The following COL22A1 variants were observed in gnomAD, a reference collection of about 807,000 sequenced individuals.
The protein encoded by COL22A1 is collagen type XXII alpha 1 chain.
A neutral mutation model predicts 248.9 loss-of-function variants in COL22A1; 221 were observed. The observed-to-expected ratio is 0.89, with a 90% confidence interval of 0.80 to 0.99. The LOEUF is 0.99. COL22A1 is among the 50% of genes least tolerant of loss of function. The pLI, the probability that COL22A1 is intolerant of heterozygous loss-of-function variation, is 0.00. For missense variants in COL22A1, 2,240 were observed against 2,179.0 expected (o/e 1.03, Z -0.56); for synonymous variants, 891 against 793.4 (o/e 1.12, Z -2.07).
intron 30 of COL22A1, among the ~76,000 whole-genome samples, chr8:138,714,679 T>C (rs746158177): frequency 8.5e-5 from 13 of 152,228 alleles, no homozygotes; most frequent in Non-Finnish European, 1.8e-4. Flanking sequence ...TCCATTTTGA[T>C]TGTGCTGCTC....
intron 7 of COL22A1, among the ~76,000 whole-genome samples, chr8:138,815,860 C>G (rs1818641688): frequency 6.6e-6 from 1 of 152,128 alleles, no homozygotes; most frequent in South Asian, 2.1e-4. Context: ...GCAAAGTGCC[C>G]TGGACTGACC....
chr8:138,750,420 G>A (rs902217038), intron 22 of COL22A1, among the ~76,000 whole-genome samples: 1 of 152,222 alleles, frequency 6.6e-6, no homozygotes, highest in East Asian at 1.9e-4. Context: ...ACAGGTCAGA[G>A]TCGGCGCTGA....
At chr8:138,640,811 C>A (rs1821616407) in intron 47 of COL22A1, among the ~76,000 whole-genome samples, 1 of 152,098 alleles carries the variant, frequency 6.6e-6, no homozygotes, top group Non-Finnish European at 1.5e-5. Context: ...ATGAGGGACC[C>A]AAGGTACCAA....
chr8:138,821,200 T>G lies in COL22A1; in HGVS notation c.1181A>C (p.Glu394Ala). The part of the protein sequence containing the change: ...LVQTLPIEER[E>A]NIDIQGKTVI... The stretch of plus-strand genomic sequence containing the variant: ...AGTCTTGCCCTGGATGTCAATGTTC[T>G]CCCGTTCCTCGATGGGTAGTGTCTG... The change falls in exon 7 of 65, where the codon GAG becomes GCG. Residue 394 changes from glutamate (E) to alanine (A), a missense_variant. Glu to Ala is a moderately radical substitution (Grantham distance 107). Coordinates refer to ENST00000303045, the MANE Select transcript of COL22A1 (RefSeq NM_152888.3). The G allele has an allele frequency of 7.4e-6, 12 of 1,614,170 alleles. No individual in the cohort carries two copies. The highest frequency in any genetic ancestry group is 9.3e-6 in the Non-Finnish European group (11 of 1,180,028).
At chr8:138,656,753 T>A (rs768894719) in intron 44 of COL22A1, among the ~76,000 whole-genome samples, 1 of 152,170 alleles carries the variant, frequency 6.6e-6, no homozygotes, top group Admixed American at 6.5e-5. Context: ...TTCTAAATTT[T>A]GCAAAGAAAA....
At chr8:138,814,496 G>A (rs1334315759) in intron 7 of COL22A1, among the ~76,000 whole-genome samples, 1 of 152,158 alleles carries the variant, frequency 6.6e-6, no homozygotes, top group Non-Finnish European at 1.5e-5. Flanking sequence ...GTAGCATGTT[G>A]TCAGCTACTC....
At chr8:138,789,693 G>A (rs1455596236) in intron 12 of COL22A1, among the ~76,000 whole-genome samples, 1 of 152,178 alleles carries the variant, frequency 6.6e-6, no homozygotes, top group Admixed American at 6.5e-5. Flanking sequence ...GACCAATGCC[G>A]TGGTGAAAAA....
chr8:138,747,422 C>T (rs1832210357), intron 22 of COL22A1, among the ~76,000 whole-genome samples: 1 of 152,126 alleles, frequency 6.6e-6, no homozygotes, highest in Non-Finnish European at 1.5e-5. Flanking sequence ...AGCCAAAGTC[C>T]TTATAATGAC....
At chr8:138,606,764 G>A (rs1818457633) in intron 57 of COL22A1, among the ~76,000 whole-genome samples, 1 of 152,280 alleles carries the variant, frequency 6.6e-6, no homozygotes, top group East Asian at 1.9e-4. Flanking sequence ...TCCAAGGAGT[G>A]CTCTAGTGAG....
intron 50 of COL22A1, among the ~76,000 whole-genome samples, chr8:138,630,315 C>T (rs1303259296): frequency 6.6e-6 from 1 of 152,182 alleles, no homozygotes; most frequent in African/African-American, 2.4e-5. Context: ...TCCCCTGGTG[C>T]ACACCATAGT....
chr8:138,769,942 T>C (rs1257208878), intron 16 of COL22A1, among the ~76,000 whole-genome samples: 3 of 152,168 alleles, frequency 2.0e-5, no homozygotes, highest in Admixed American at 6.5e-5. Context: ...AGGGACCTTC[T>C]ACCAGGTGCC....
At chr8:138,877,063 T>G (rs1823770957) in intron 3 of COL22A1, among the ~76,000 whole-genome samples, 1 of 151,854 alleles carries the variant, frequency 6.6e-6, no homozygotes, top group African/African-American at 2.4e-5. Context: ...ATCCTGGAGG[T>G]CAGGCTTCCA....
chr8:138,708,646 T>C (rs966275768), intron 30 of COL22A1, among the ~76,000 whole-genome samples: 3 of 152,144 alleles, frequency 2.0e-5, no homozygotes, highest in Admixed American at 6.5e-5. Context: ...TCAAGATGGG[T>C]TAAAGACTTA....
At chr8:138,722,151 A>C in intron 25 of COL22A1, 62 bp from the exon 26 acceptor site, 1 of 1,419,012 alleles carries the variant, frequency 7.0e-7, no homozygotes, top group Non-Finnish European at 9.6e-7. Flanking sequence ...GGCTTACATT[A>C]AGTTGTTTCA....
At chr8:138,866,455 G>T (rs1276907058) in intron 3 of COL22A1, among the ~76,000 whole-genome samples, 1 of 152,178 alleles carries the variant, frequency 6.6e-6, no homozygotes, top group Non-Finnish European at 1.5e-5. Context: ...TATAGAGATT[G>T]TCTATGTTTA....
intron 23 of COL22A1, among the ~76,000 whole-genome samples, chr8:138,736,751 G>A (rs1049980805): frequency 1.3e-5 from 2 of 152,158 alleles, no homozygotes; most frequent in African/African-American, 2.4e-5. Flanking sequence ...GAAGGAGGAG[G>A]AGGCAGAGAA....
intron 16 of COL22A1, among the ~76,000 whole-genome samples, chr8:138,774,945 G>A (rs988568240): frequency 2.0e-5 from 3 of 152,170 alleles, no homozygotes; most frequent in Non-Finnish European, 4.4e-5. Context: ...CTCCCCATGT[G>A]TAAGAATTCC....
At chr8:138,775,217 G>A (rs1814312936) in intron 16 of COL22A1, among the ~76,000 whole-genome samples, 1 of 152,174 alleles carries the variant, frequency 6.6e-6, no homozygotes, top group South Asian at 2.1e-4. Flanking sequence ...CTCAATGAAT[G>A]GGGCTGGGAA....
At chr8:138,766,264 C>A (rs1039338053) in intron 16 of COL22A1, among the ~76,000 whole-genome samples, 2 of 152,208 alleles carry the variant, frequency 1.3e-5, no homozygotes, top group Non-Finnish European at 2.9e-5. Flanking sequence ...AGGACAGCTG[C>A]AGGTGCACAG....
Sources: gnomAD v4.1 joint callset for allele counts (sites outside exome capture counted in the v4.1 genomes callset) on GRCh38, gnomAD v4.1.1 for gene constraint, MANE v1.5 for transcripts, NCBI Gene and HGNC (gene_info 2026-07-23, HGNC 2026-07-21) for gene names.